Variants in FAN1 observed in about 807,000 individuals in gnomAD.
FAN1 encodes the protein fanconi-associated nuclease 1.
In FAN1, 91 loss-of-function variants were observed where a neutral mutation model predicts 104.9. The observed-to-expected ratio is 0.87, with a 90% CI of 0.73 to 1.03. The LOEUF (loss-of-function observed/expected upper bound fraction) is 1.03, where lower values mean the gene tolerates loss of function less well. Ranked by LOEUF, FAN1 falls within the 50% of genes least tolerant of loss-of-function variation. The pLI is 0.00. For missense variants in FAN1, 1,263 were observed against 1,239.9 expected (o/e 1.02, Z -0.28); for synonymous variants, 478 against 457.6 (o/e 1.04, Z -0.57).
chr15:30,924,138 T>A (rs2062401565), intron 8 of FAN1, among the ~76,000 whole-genome samples: 1 of 152,238 alleles, frequency 6.6e-6, no homozygotes, highest in South Asian at 2.1e-4. Flanking sequence ...CTCAGCATCA[T>A]GTTTCTGAGC....
intron 14 of FAN1, among the ~76,000 whole-genome samples, chr15:30,937,616 T>C (rs1039515940): frequency 1.3e-5 from 2 of 151,770 alleles, no homozygotes; most frequent in Admixed American, 1.3e-4. Flanking sequence ...CACGCCTGGC[T>C]AAATTTTGTA....
At chr15:30,939,916 A>C in intron 14 of FAN1, 1 of 985,420 alleles carries the variant, frequency 1.0e-6, no homozygotes, top group Non-Finnish European at 1.2e-6. Flanking sequence ...GTTTACCCAT[A>C]AAGTGAATTT....
chr15:30,923,022 T>A (rs1016515656), intron 8 of FAN1, among the ~76,000 whole-genome samples: 2 of 152,250 alleles, frequency 1.3e-5, no homozygotes, highest in Non-Finnish European at 2.9e-5. Context: ...GGCCCCTCCC[T>A]GTCTCTATTC....
intron 6 of FAN1, among the ~76,000 whole-genome samples, chr15:30,918,734 A>G (rs775106622): frequency 3.3e-5 from 5 of 152,244 alleles, no homozygotes; most frequent in Non-Finnish European, 7.3e-5. Context: ...TACACAGCAC[A>G]TGATCTTTTA....
In FAN1 at chr15:30,918,242, C is replaced by T. The variant is rs371691425; in HGVS notation, c.1890C>T (p.Leu630=). The change falls in exon 6 of 15, where the codon CTC becomes CTT. Residue 630 remains leucine (L), a synonymous_variant. Coordinates refer to ENST00000362065, the MANE Select transcript of FAN1 (RefSeq NM_014967.5). ...GGAACTGGGAAGAAGCTAAGGAGCT[C>T]GCTCAGTGTGCAAAAAGGGATTGGA... is the stretch of plus-strand genomic sequence containing the variant. ...ANGNWEEAKE[L]AQCAKRDWNR... 1.6e-5 allele frequency: 26 copies of T among 1,613,900 alleles called. No homozygotes were observed. Among genetic ancestry groups the T allele is most frequent in the Middle Eastern group, 1.7e-4 (1 of 6,060 alleles).
intron 2 of FAN1, chr15:30,906,222 GA>G: frequency 2.2e-6 from 1 of 447,340 alleles, no homozygotes; most frequent in South Asian, 2.0e-5. Flanking sequence ...ATGTGACTTA[GA>G]AAAGCATACT....
In FAN1 at chr15:30,943,035, T is replaced by C; in HGVS notation, c.*1473T>C. The C allele has an allele frequency of 6.5e-7, 1 of 1,547,350 alleles. No individual in the cohort carries two copies. The highest frequency in any genetic ancestry group is 8.7e-7 in the Non-Finnish European group (1 of 1,145,970). ...AACAGAGGGGAATTTTAAGCCCTTC[T>C]CATCACCCAATTGGATGTTTTTGCT... On this transcript the variant is annotated 3_prime_UTR_variant, in exon 15 of 15. Coordinates refer to ENST00000362065, the MANE Select transcript of FAN1 (RefSeq NM_014967.5).
chr15:30,940,601 G>A (rs1255360170), intron 14 of FAN1: 1 of 985,240 alleles, frequency 1.0e-6, no homozygotes, highest in Non-Finnish European at 1.2e-6. Flanking sequence ...GCGAGTTTTG[G>A]CATAGATGGC....
chr15:30,940,113 A>G, intron 14 of FAN1: 10 of 985,356 alleles, frequency 1.0e-5, no homozygotes, highest in Non-Finnish European at 1.2e-5. Context: ...AATTTTCCAT[A>G]TCTTAGGATG....
chr15:30,924,585 C>T (rs960243999), intron 8 of FAN1, among the ~76,000 whole-genome samples: 1 of 152,156 alleles, frequency 6.6e-6, no homozygotes, highest in Non-Finnish European at 1.5e-5. Context: ...GACTCTGAAT[C>T]GCCTTGGGAA....
At chr15:30,928,253 T>C in intron 10 of FAN1, 5 of 1,136,898 alleles carry the variant, frequency 4.4e-6, no homozygotes, top group Non-Finnish European at 5.4e-6. Flanking sequence ...CTTTTAAACA[T>C]GTTTCTTAGG....
In FAN1 at chr15:30,938,793, G is replaced by A. The variant is rs138301609; in HGVS notation, c.*3+1534G>A. On this transcript the variant is annotated intron_variant, in intron 14 of 14. Transcript: ENST00000362065. ...TAACTTTAGCCACTTCCGAATTGCT[G>A]TTAAAAAAAGTTACTGATCACTACC... 150 of 491,126 alleles carry A rather than the reference G, an allele frequency of 3.1e-4. 1 individual carries two copies. Among genetic ancestry groups the A allele is most frequent in the African/African-American group, 3.0e-3 (141 of 47,760 alleles). The allele number at this position is 491,126 out of a possible 1,614,324, so 30.4% of individuals were successfully genotyped here. A position where few individuals can be genotyped will look rare whatever the true frequency, so the allele number is the denominator to read the frequency against.
Position 30,929,286 on chromosome 15 carries a change from T to C in FAN1, c.2676T>C (p.Asp892=). ...ALEARLQLIH[D]APEESLRAWV... Reference sequence around the variant, plus strand: ...AGGCCAGGCTGCAGCTGATTCATGATGCCCCCGAGGAGAGCCTGCGGGCCT... The same window carrying C: ...AGGCCAGGCTGCAGCTGATTCATGACGCCCCCGAGGAGAGCCTGCGGGCCT... Residue 892 remains aspartate (D), a synonymous_variant, in exon 12 of 15, where the codon GAT becomes GAC. Coordinates refer to ENST00000362065, the MANE Select transcript of FAN1 (RefSeq NM_014967.5). 1.2e-6 allele frequency: 2 copies of C among 1,613,286 alleles called. No homozygotes were observed. The highest frequency in any genetic ancestry group is 1.7e-6 in the Non-Finnish European group (2 of 1,179,702).
In FAN1 at chr15:30,942,656, T is replaced by C. The variant is rs2063092836; in HGVS notation, c.*1094T>C. On this transcript the variant is annotated 3_prime_UTR_variant, in exon 15 of 15. Transcript: ENST00000362065. ...AAATGGGGCTTTAGTAAATCAGGCT[T>C]GCAGGCTCAAAGCTGCAATCTGCCC... 1 of 486,480 alleles carries C rather than the reference T, an allele frequency of 2.1e-6. No individual in the cohort carries two copies. The highest frequency in any genetic ancestry group is 3.6e-6 in the Non-Finnish European group (1 of 279,744). The allele number at this position is 486,480 out of a possible 1,614,324, so 30.1% of individuals were successfully genotyped here.
chr15:30,904,639 A>C lies in FAN1; in HGVS notation c.-25A>C. The C allele has an allele frequency of 6.2e-7, 1 of 1,607,356 alleles. No individual in the cohort carries two copies. Among genetic ancestry groups the C allele is most frequent in the Non-Finnish European group, 8.5e-7 (1 of 1,177,078 alleles). On this transcript the variant is annotated 5_prime_UTR_variant, in exon 2 of 15. Transcript: ENST00000362065. ...TTAAATATCCTGTGTTTTATTGCTCAGAACATCCAGTTTTTCTAATACTCA... is the reference window on the plus strand; with the variant it reads ...TTAAATATCCTGTGTTTTATTGCTCCGAACATCCAGTTTTTCTAATACTCA...
intron 10 of FAN1, chr15:30,926,865 C>G: frequency 3.0e-6 from 3 of 985,320 alleles, no homozygotes; most frequent in Non-Finnish European, 3.6e-6. Flanking sequence ...AAATCGATGC[C>G]GTGAAACTGG....
At chr15:30,923,389 G>C (rs185017726) in intron 8 of FAN1, among the ~76,000 whole-genome samples, 1 of 152,306 alleles carries the variant, frequency 6.6e-6, no homozygotes, top group Admixed American at 6.5e-5. Context: ...AAAAGTTCAA[G>C]AGAGTACAGA....
At chr15:30,918,995 A>G (rs1030272539) in intron 6 of FAN1, among the ~76,000 whole-genome samples, 4 of 152,214 alleles carry the variant, frequency 2.6e-5, no homozygotes, top group African/African-American at 9.7e-5. Flanking sequence ...TACCGATTAC[A>G]TAGTCAATTA....
intron 2 of FAN1, chr15:30,906,590 GA>G: frequency 2.3e-6 from 1 of 444,320 alleles, no homozygotes; most frequent in Non-Finnish European, 4.6e-6. Flanking sequence ...CTGAGGGCAG[GA>G]AAAAACATGG....
Sources: gnomAD v4.1 joint callset for allele counts (sites outside exome capture counted in the v4.1 genomes callset) on GRCh38, gnomAD v4.1.1 for gene constraint, MANE v1.5 for transcripts, NCBI Gene and HGNC (gene_info 2026-07-23, HGNC 2026-07-21) for gene names.